Variants in POC5 observed in about 807,000 individuals in gnomAD.
POC5 encodes the protein POC5 centriolar protein, also known as centrosomal protein POC5.
Under a neutral mutation model 62.9 loss-of-function variants are expected in POC5, and 48 were observed. The observed-to-expected ratio is 0.76, with a 90% CI of 0.61 to 0.97. The LOEUF is 0.97. Among genes scored for constraint, POC5 ranks in the 50% least tolerant of loss-of-function variants. POC5 has a pLI of 0.00. For missense variants in POC5, 696 were observed against 679.5 expected, an observed-to-expected ratio of 1.02 and a Z score of -0.27; for synonymous variants, 236 against 228.2, an observed-to-expected ratio of 1.03 and a Z score of -0.31.
At chr5:75,715,416 T>G (rs1209142290) in intron 1 of POC5, among the ~76,000 whole-genome samples, 8 of 151,910 alleles carry the variant, frequency 5.3e-5, no homozygotes, top group Admixed American at 3.3e-4. Context: ...TCAGGAAACT[T>G]AAAATCATGG....
At chr5:75,703,766 T>C (rs1777001118) in intron 4 of POC5, among the ~76,000 whole-genome samples, 1 of 152,182 alleles carries the variant, frequency 6.6e-6, no homozygotes, top group Non-Finnish European at 1.5e-5. Flanking sequence ...CATCTCTATA[T>C]GTATGTGCAT....
chr5:75,699,794 G>A lies in POC5; in HGVS notation c.513+2811C>T, dbSNP rs1038156995. 9.0e-4 allele frequency among the ~76,000 whole-genome samples: 127 copies of A among 140,550 alleles called. 1 individual carries two copies. Among genetic ancestry groups the A allele is most frequent in the East Asian group, 3.0e-3 (15 of 4,974 alleles). The allele number at this position is 140,550 out of a possible 152,430, so 92.2% of individuals were successfully genotyped here. A position where few individuals can be genotyped will look rare whatever the true frequency, so the allele number is the denominator to read the frequency against. ...AGTCAAATTCTCCCTGTTTGCAGACGACATGATTGTATATCTAGAAAACCC... is the reference window on the plus strand; with the variant it reads ...AGTCAAATTCTCCCTGTTTGCAGACAACATGATTGTATATCTAGAAAACCC... On this transcript the variant is annotated intron_variant, in intron 5 of 11. Transcript: ENST00000428202.
chr5:75,693,390 G>T (rs1447313438), intron 6 of POC5, among the ~76,000 whole-genome samples: 2 of 151,828 alleles, frequency 1.3e-5, no homozygotes, highest in Admixed American at 6.6e-5. Flanking sequence ...ATTTATAACT[G>T]CTCTTTAAAT....
intron 7 of POC5, 94 bp from the exon 8 acceptor site, chr5:75,690,656 T>A (rs4704230): frequency 1.0e-6 from 1 of 988,840 alleles, no homozygotes; most frequent in Admixed American, 2.7e-5. Flanking sequence ...AGTGTACATA[T>A]ACACATTATT....
intron 5 of POC5, among the ~76,000 whole-genome samples, chr5:75,700,323 A>G (rs1203038242): frequency 2.0e-5 from 3 of 151,294 alleles, no homozygotes; most frequent in South Asian, 2.1e-4. Flanking sequence ...AAACTATACT[A>G]CAAGGCTACA....
chr5:75,676,665 C>T (rs1396610670), intron 11 of POC5, among the ~76,000 whole-genome samples: 2 of 151,936 alleles, frequency 1.3e-5, no homozygotes, highest in Admixed American at 1.3e-4. Flanking sequence ...TAAAATCAGT[C>T]CCTGAAATCA....
intron 5 of POC5, among the ~76,000 whole-genome samples, chr5:75,697,647 C>A (rs1776668393): frequency 6.6e-6 from 1 of 151,918 alleles, no homozygotes; most frequent in Non-Finnish European, 1.5e-5. Context: ...ACTGCATCAA[C>A]TAACGAGCAA....
chr5:75,681,632 A>T (rs2546188), intron 10 of POC5, among the ~76,000 whole-genome samples: 105,084 of 145,208 alleles, frequency 0.72, 37,113 homozygotes, highest in East Asian at 0.86. Context: ...ATAATTTTTT[A>T]AAATAATAAT....
rs1777408171 is a variant in POC5, at chr5:75,712,879, C to T, written c.59G>A (p.Gly20Asp). 2 of 1,609,186 alleles carry T rather than the reference C, an allele frequency of 1.2e-6. No individual in the cohort carries two copies. The highest frequency in any genetic ancestry group is 1.3e-5 in the African/African-American group (1 of 74,874). Residue 20 changes from glycine (G) to aspartate (D), a missense_variant, in exon 2 of 12, where the codon GGC becomes GAC. By Grantham distance (94) the Gly-to-Asp change is moderately conservative. Coordinates refer to ENST00000428202, the MANE Select transcript of POC5 (RefSeq NM_001099271.2). ...CTGAAGATTCGAAGAGACAGAACTG[C>T]CTCGACTGGAGTCATTTTGCACAAC... is the stretch of plus-strand genomic sequence containing the variant. The part of the protein sequence containing the change: ...LPVVQNDSSR[G>D]SSVSSNLQEE...
rs568871068 is a variant in POC5 at position 75,674,492 on chromosome 5, G to A, written c.1671C>T (p.Thr557=). ...TGAGAGACTGGGTGTGAGCTGATCT[G>A]GTTCCAAGTGATCTGGAAGCTGAGG... is the stretch of plus-strand genomic sequence containing the variant. ...SSTSASRSLG[T]RSAHTQSLTS... Residue 557 remains threonine (T), a synonymous_variant, in exon 12 of 12, where the codon ACC becomes ACT. Transcript: ENST00000428202. 2.9e-5 allele frequency: 47 copies of A among 1,613,854 alleles called. No homozygotes were observed. The highest frequency in any genetic ancestry group is 3.6e-5 in the Non-Finnish European group (43 of 1,179,864).
At chr5:75,682,844 C>G (rs772558325) in intron 10 of POC5, among the ~76,000 whole-genome samples, 2 of 152,186 alleles carry the variant, frequency 1.3e-5, no homozygotes, top group Non-Finnish European at 2.9e-5. Context: ...ACAGCTCCCC[C>G]ACATAAATTT....
intron 11 of POC5, chr5:75,677,376 T>C (rs1269807154): frequency 1.3e-5 from 2 of 152,596 alleles, no homozygotes; most frequent in Non-Finnish European, 2.9e-5. Flanking sequence ...AAACTATAAA[T>C]GTAGGGGAGT....
intron 5 of POC5, among the ~76,000 whole-genome samples, chr5:75,700,074 C>A (rs1580044697): frequency 6.6e-6 from 1 of 151,854 alleles, no homozygotes; most frequent in South Asian, 2.1e-4. Flanking sequence ...AAAGAGGATA[C>A]AAACAAATGG....
chr5:75,692,510 G>C lies in POC5; in HGVS notation c.691-10C>G, dbSNP rs754985848. ...ACAAGCTAGAAATCACCTGTAAACA[G>C]CAATTAACCCAATTATTGTGATATT... On this transcript the variant is annotated splice_polypyrimidine_tract_variant and intron_variant, in intron 6 of 11. Coordinates refer to ENST00000428202, the MANE Select transcript of POC5 (RefSeq NM_001099271.2). 6.5e-7 allele frequency: 1 copy of C among 1,544,516 alleles called. No homozygotes were observed. The highest frequency in any genetic ancestry group is 1.9e-5 in the Admixed American group (1 of 51,334).
intron 8 of POC5, chr5:75,689,763 T>G (rs1776245365): frequency 1.3e-6 from 1 of 760,856 alleles, no homozygotes; most frequent in African/African-American, 1.9e-5. Context: ...ATTTTAATAT[T>G]TAACTTCAAG....
chr5:75,689,677 G>A, intron 8 of POC5: 1 of 985,092 alleles, frequency 1.0e-6, no homozygotes. Context: ...ATGTCGTAGT[G>A]AACTGCAGAA....
chr5:75,712,543 C>A, intron 2 of POC5: 2 of 1,224,496 alleles, frequency 1.6e-6, no homozygotes, highest in Non-Finnish European at 2.4e-6. Flanking sequence ...AAGTAGCATT[C>A]ATGAGAGGTA....
chr5:75,692,506 A>G lies in POC5; in HGVS notation c.691-6T>C. The G allele has an allele frequency of 6.4e-7, 1 of 1,561,282 alleles. No homozygotes were observed. The highest frequency in any genetic ancestry group is 8.7e-7 in the Non-Finnish European group (1 of 1,149,972). On this transcript the variant is annotated splice_polypyrimidine_tract_variant and splice_region_variant and intron_variant, in intron 6 of 11. Transcript: ENST00000428202. ...TGAGACAAGCTAGAAATCACCTGTA[A>G]ACAGCAATTAACCCAATTATTGTGA...
At chr5:75,712,636 C>T in intron 2 of POC5, 1 of 735,212 alleles carries the variant, frequency 1.4e-6, no homozygotes, top group Non-Finnish European at 2.3e-6. Context: ...AGCCTTTGTA[C>T]AGAGTGTATG....
Sources: allele counts gnomAD v4.1 joint callset (sites outside exome capture counted in the v4.1 genomes callset), GRCh38; gene constraint gnomAD v4.1.1; transcripts MANE v1.5; gene names NCBI Gene and HGNC (gene_info 2026-07-23, HGNC 2026-07-21).